Variants in LRP12 observed in about 807,000 individuals in gnomAD.
LRP12 encodes low-density lipoprotein receptor-related protein 12.
A neutral mutation model predicts 66.0 loss-of-function variants in LRP12; 14 were observed. That is an observed-to-expected ratio of 0.21 (90% CI 0.14 to 0.33). LRP12 has a LOEUF of 0.33. LRP12 is among the 10% of genes least tolerant of loss of function. The probability of loss-of-function intolerance (pLI) is 1.00; values close to 1 mark genes in which losing one functional copy is unlikely to be tolerated. For missense variants in LRP12, 889 were observed against 1,053.4 expected (o/e 0.84, Z 2.16); for synonymous variants, 357 against 359.1 (o/e 0.99, Z 0.07).
At chr8:104,579,350 T>C (rs1022749547) in intron 1 of LRP12, among the ~76,000 whole-genome samples, 3 of 151,266 alleles carry the variant, frequency 2.0e-5, no homozygotes, top group African/African-American at 7.4e-5. Context: ...AAGAATAAAA[T>C]ACCCAGGAAC....
intron 2 of LRP12, 62 bp from the exon 3 acceptor site, chr8:104,509,136 C>G: frequency 6.7e-7 from 1 of 1,492,700 alleles, no homozygotes; most frequent in African/African-American, 1.4e-5. Flanking sequence ...TTAGGTAAAT[C>G]AGTGTTTATT....
intron 2 of LRP12, among the ~76,000 whole-genome samples, chr8:104,513,448 T>C (rs780432178): frequency 1.4e-4 from 22 of 152,218 alleles, no homozygotes; most frequent in African/African-American, 4.6e-4. Flanking sequence ...ATGGGATACA[T>C]TGATAAATTT....
rs1403092417 is a variant in LRP12 at position 104,589,227 on chromosome 8, T to TCGGGCTAGCCGGCGCCGCC, written c.-349_-331dup. 3.3e-5 allele frequency among the ~76,000 whole-genome samples: 5 copies of TCGGGCTAGCCGGCGCCGCC among 151,178 alleles called. No individual in the cohort carries two copies. Among genetic ancestry groups the TCGGGCTAGCCGGCGCCGCC allele is most frequent in the Non-Finnish European group, 4.4e-5 (3 of 67,688 alleles). On this transcript the variant is annotated 5_prime_UTR_variant, in exon 1 of 7. Coordinates refer to ENST00000276654, the MANE Select transcript of LRP12 (RefSeq NM_013437.5). ...ACGCCGGACTCCGGCCTCGCGCCGC[T>TCGGGCTAGCCGGCGCCGCC]CGGGCTAGCCGGCGCCGCCACTCGC... is the stretch of plus-strand genomic sequence containing the variant.
At position 104,508,968 on chromosome 8, in the gene LRP12, C is replaced by T; in HGVS notation, c.243G>A (p.Arg81=). ...TAGTAATGATTTCGCCTGGGTTTGC[C>T]CTTATGAACCAGCTACAGTTGATTT... ...PAKINCSWFI[R]ANPGEIITIS... Residue 81 remains arginine (R), a synonymous_variant, in exon 3 of 7, where the codon AGG becomes AGA. Transcript: ENST00000276654. The T allele has an allele frequency of 6.2e-7, 1 of 1,613,218 alleles. No individual in the cohort carries two copies. Among genetic ancestry groups the T allele is most frequent in the Non-Finnish European group, 8.5e-7 (1 of 1,179,434 alleles).
At chr8:104,567,006 A>T (rs917607596) in intron 1 of LRP12, among the ~76,000 whole-genome samples, 7 of 116,122 alleles carry the variant, frequency 6.0e-5, no homozygotes, top group East Asian at 2.1e-4. Context: ...CATTTTATTT[A>T]AAAAAAAAAC....
chr8:104,534,334 G>A (rs1274642641), intron 1 of LRP12, among the ~76,000 whole-genome samples: 4 of 151,960 alleles, frequency 2.6e-5, no homozygotes, highest in Non-Finnish European at 5.9e-5. Context: ...GAGCCTAAGG[G>A]TATAACACTG....
rs560655881 is a variant in LRP12 at position 104,537,492 on chromosome 8, G to A, written c.80-5529C>T. Among the ~76,000 whole-genome samples the A allele has an allele frequency of 1.9e-3, 294 of 152,182 alleles. 1 individual carries two copies. Among genetic ancestry groups the A allele is most frequent in the Middle Eastern group, 0.01 (3 of 294 alleles). On this transcript the variant is annotated intron_variant, in intron 1 of 6. Coordinates refer to ENST00000276654, the MANE Select transcript of LRP12 (RefSeq NM_013437.5). ...AAGACGCTAAAGTTCTGACCAGCAA[G>A]AGAGAGCTCCAAAGTGGAGAGACCT...
At chr8:104,514,545 T>TAA (rs565370904) in intron 2 of LRP12, among the ~76,000 whole-genome samples, 4,206 of 128,674 alleles carry the variant, frequency 0.033, 211 homozygotes, top group African/African-American at 0.11. Flanking sequence ...CGTCTCTACT[T>TAA]AAAAAAAAAA....
In LRP12 at chr8:104,564,859, G is replaced by C. The variant is rs532798841; in HGVS notation, c.79+23960C>G. ...GAGGCAGAAGAATCACTTGAACCTG[G>C]GAAGTCGAGGTTGCAGTGAGCCTAG... On this transcript the variant is annotated intron_variant, in intron 1 of 6. Coordinates refer to ENST00000276654, the MANE Select transcript of LRP12 (RefSeq NM_013437.5). Among the ~76,000 whole-genome samples the C allele has an allele frequency of 2.0e-5, 3 of 152,030 alleles. No homozygotes were observed. In the South Asian group the frequency reaches 6.2e-4, roughly 32 times the overall value.
In LRP12 at chr8:104,527,376, T is replaced by C. The variant is rs558987909; in HGVS notation, c.136+4531A>G. ...TAAATCATGCTGCTATAAAGACACATGCACACCTATGTTTACTGCGGCACT... is the reference window on the plus strand; with the variant it reads ...TAAATCATGCTGCTATAAAGACACACGCACACCTATGTTTACTGCGGCACT... On this transcript the variant is annotated intron_variant, in intron 2 of 6. Transcript: ENST00000276654. Among the ~76,000 whole-genome samples, 883 of 150,836 alleles carry C rather than the reference T, an allele frequency of 5.9e-3. 11 individuals are homozygous for C. The highest frequency in any genetic ancestry group is 2.0e-3 in the Non-Finnish European group (136 of 67,938).
intron 1 of LRP12, among the ~76,000 whole-genome samples, chr8:104,556,657 C>T (rs1363969956): frequency 3.3e-5 from 5 of 152,106 alleles, no homozygotes; most frequent in Non-Finnish European, 7.4e-5. Flanking sequence ...CAAGACCAGA[C>T]GGATTCACAG....
At chr8:104,557,209 G>A (rs1238298440) in intron 1 of LRP12, among the ~76,000 whole-genome samples, 3 of 152,056 alleles carry the variant, frequency 2.0e-5, no homozygotes, top group East Asian at 1.9e-4. Flanking sequence ...ACAAGATTGC[G>A]CACTTTGACT....
Position 104,499,400 on chromosome 8 carries a change from A to C in LRP12, c.392T>G (p.Ile131Ser), listed in dbSNP as rs778079263. The part of the protein sequence containing the change: ...ACGSTIPPPY[I>S]SSQDHIWIRF... ...AATCCAGATGTGGTCTTGTGAAGAG[A>C]TATACGGAGGTGGAATTGTGGAACC... Residue 131 changes from isoleucine to serine, a missense_variant, in exon 4 of 7, where the codon ATC becomes AGC. By Grantham distance (142) the Ile-to-Ser change is moderately radical. Transcript: ENST00000276654. 6.2e-7 allele frequency: 1 copy of C among 1,613,772 alleles called. No homozygotes were observed. The highest frequency in any genetic ancestry group is 8.5e-7 in the Non-Finnish European group (1 of 1,179,716).
rs973057262 is a variant in LRP12, at chr8:104,489,880, C to T, written c.*793G>A. 1 of 152,542 alleles carries T rather than the reference C, an allele frequency of 6.6e-6. No homozygotes were observed. Among genetic ancestry groups the T allele is most frequent in the Non-Finnish European group, 1.5e-5 (1 of 68,018 alleles). 9.4% of individuals were successfully genotyped at this position (152,542 alleles called of 1,614,324 possible). A position where few individuals can be genotyped will look rare whatever the true frequency, so the allele number is the denominator to read the frequency against. ...ATTACCAGGTGGAACTTATCTTGTA[C>T]AATTTTTGTACATGTTTTATAAAGT... On this transcript the variant is annotated 3_prime_UTR_variant, in exon 7 of 7. Transcript: ENST00000276654.
At chr8:104,524,918 A>T (rs940872884) in intron 2 of LRP12, among the ~76,000 whole-genome samples, 1 of 152,258 alleles carries the variant, frequency 6.6e-6, no homozygotes, top group Non-Finnish European at 1.5e-5. Flanking sequence ...GATATATTTT[A>T]AAAAATCAAA....
At chr8:104,553,864 C>G (rs892810323) in intron 1 of LRP12, among the ~76,000 whole-genome samples, 5 of 152,188 alleles carry the variant, frequency 3.3e-5, no homozygotes, top group Non-Finnish European at 7.4e-5. Flanking sequence ...ATCAAGGACC[C>G]TCACAGAGTC....
chr8:104,540,616 C>T (rs1811461644), intron 1 of LRP12, among the ~76,000 whole-genome samples: 1 of 152,070 alleles, frequency 6.6e-6, no homozygotes, highest in Non-Finnish European at 1.5e-5. Flanking sequence ...TTAATTGTGG[C>T]CATCCATTAT....
intron 3 of LRP12, 166 bp downstream of exon 3, chr8:104,508,773 G>A: frequency 3.6e-6 from 2 of 558,168 alleles, no homozygotes; most frequent in South Asian, 6.2e-5. Context: ...ATACCAGATG[G>A]GCTGTTACTC....
chr8:104,500,501 T>G (rs1810809978), intron 3 of LRP12, among the ~76,000 whole-genome samples: 1 of 151,740 alleles, frequency 6.6e-6, no homozygotes, highest in Admixed American at 6.6e-5. Flanking sequence ...AAGTCAGGAG[T>G]TTGAGACCAG....
Sources: allele counts gnomAD v4.1 joint callset (sites outside exome capture counted in the v4.1 genomes callset), GRCh38; gene constraint gnomAD v4.1.1; transcripts MANE v1.5; gene names NCBI Gene and HGNC (gene_info 2026-07-23, HGNC 2026-07-21).